Variants in MACROD2 observed in about 807,000 individuals in gnomAD.
MACROD2 encodes the protein mono-ADP ribosylhydrolase 2.
In MACROD2, 36 loss-of-function variants were observed where a neutral mutation model predicts 70.4. The observed-to-expected ratio is 0.51, with a 90% CI of 0.39 to 0.68. The LOEUF (loss-of-function observed/expected upper bound fraction) is 0.68, where lower values mean the gene tolerates loss of function less well. Ranked by LOEUF, MACROD2 falls within the 30% of genes least tolerant of loss-of-function variation. The probability of loss-of-function intolerance (pLI) is 0.00; values close to 1 mark genes in which losing one functional copy is unlikely to be tolerated. For missense variants in MACROD2, 496 were observed against 538.4 expected (o/e 0.92, Z 0.78); for synonymous variants, 172 against 178.8 (o/e 0.96, Z 0.30).
In MACROD2 at chr20:15,295,593, C is replaced by T. The variant is rs903261058; in HGVS notation, c.540+65532C>T. Among the ~76,000 whole-genome samples the T allele has an allele frequency of 7.1e-3, 366 of 51,282 alleles. 3 individuals carry two copies. The highest frequency in any genetic ancestry group is 9.2e-3 in the Non-Finnish European group (246 of 26,766). 33.6% of individuals were successfully genotyped at this position (51,282 alleles called of 152,430 possible). A position where few individuals can be genotyped will look rare whatever the true frequency, so the allele number is the denominator to read the frequency against. On this transcript the variant is annotated intron_variant, in intron 6 of 17. Coordinates refer to ENST00000684519, the MANE Select transcript of MACROD2 (RefSeq NM_001351661.2). Reference sequence around the variant, plus strand: ...CTATGCAATACTTATCAATGTCTGTCATCACACACACACACACACACACAC... The same window carrying T: ...CTATGCAATACTTATCAATGTCTGTTATCACACACACACACACACACACAC...
At chr20:14,867,421 A>AT (rs931769708) in intron 5 of MACROD2, among the ~76,000 whole-genome samples, 2 of 151,864 alleles carry the variant, frequency 1.3e-5, no homozygotes, top group Non-Finnish European at 2.9e-5. Flanking sequence ...TTTCAGTTGA[A>AT]TTTTTTTTCT....
intron 3 of MACROD2, among the ~76,000 whole-genome samples, chr20:14,393,936 C>A (rs1443324519): frequency 5.9e-5 from 9 of 152,092 alleles, no homozygotes. Flanking sequence ...CATATGAGGA[C>A]ACAGAGAAAA....
intron 5 of MACROD2, among the ~76,000 whole-genome samples, chr20:14,753,894 G>A (rs535319819): frequency 2.1e-4 from 32 of 152,074 alleles, no homozygotes; most frequent in Non-Finnish European, 4.1e-4. Flanking sequence ...AAAACACCAT[G>A]TCCAAATTTT....
rs140343969 is a variant in MACROD2, at chr20:14,074,940, T to C, written c.164-10681T>C. 6.7e-3 allele frequency among the ~76,000 whole-genome samples: 1,021 copies of C among 152,326 alleles called. 14 individuals carry two copies. Among genetic ancestry groups the C allele is most frequent in the African/African-American group, 0.023 (954 of 41,580 alleles). ...ATCCTTCCTGGGAAGTGAATCATCCTTTTTCAGTGTATCCAAATTGTAGAT... is the reference window on the plus strand; with the variant it reads ...ATCCTTCCTGGGAAGTGAATCATCCCTTTTCAGTGTATCCAAATTGTAGAT... On this transcript the variant is annotated intron_variant, in intron 2 of 17. Coordinates refer to ENST00000684519, the MANE Select transcript of MACROD2 (RefSeq NM_001351661.2).
At chr20:14,081,300 T>C (rs911092291) in intron 2 of MACROD2, among the ~76,000 whole-genome samples, 1 of 152,204 alleles carries the variant, frequency 6.6e-6, no homozygotes, top group Non-Finnish European at 1.5e-5. Flanking sequence ...TGGCTATAAA[T>C]CCCTGCTTGT....
chr20:14,249,858 G>A (rs963579503), intron 3 of MACROD2, among the ~76,000 whole-genome samples: 1 of 152,030 alleles, frequency 6.6e-6, no homozygotes, highest in African/African-American at 2.4e-5. Context: ...TGATAATGGA[G>A]GAACTGAATA....
chr20:15,324,128 A>G (rs1473371605), intron 6 of MACROD2, among the ~76,000 whole-genome samples: 1 of 152,146 alleles, frequency 6.6e-6, no homozygotes, highest in Non-Finnish European at 1.5e-5. Context: ...CTAAAGTAAC[A>G]TCAAGCAATG....
chr20:15,430,095 A>G (rs1186326977), intron 6 of MACROD2, among the ~76,000 whole-genome samples: 1 of 151,828 alleles, frequency 6.6e-6, no homozygotes, highest in African/African-American at 2.4e-5. Context: ...TGCAAAACAC[A>G]TGATTTCATT....
chr20:15,740,067 C>T (rs2051081392), intron 8 of MACROD2, among the ~76,000 whole-genome samples: 1 of 152,212 alleles, frequency 6.6e-6, no homozygotes, highest in Non-Finnish European at 1.5e-5. Flanking sequence ...TGTAGATTGA[C>T]ATGGGAGCTC....
At chr20:14,547,639 T>A (rs1327609649) in intron 4 of MACROD2, 1 of 152,894 alleles carries the variant, frequency 6.5e-6, no homozygotes, top group Non-Finnish European at 1.5e-5. Context: ...ATTATCAGAC[T>A]GCACTGTAAT....
intron 4 of MACROD2, among the ~76,000 whole-genome samples, chr20:14,500,711 A>G (rs1322852639): frequency 6.6e-6 from 1 of 152,148 alleles, no homozygotes; most frequent in Non-Finnish European, 1.5e-5. Context: ...CTAAACTTCA[A>G]AGTTATTCAT....
intron 10 of MACROD2, among the ~76,000 whole-genome samples, chr20:15,919,214 T>G (rs904452866): frequency 6.6e-5 from 10 of 152,346 alleles, no homozygotes; most frequent in Middle Eastern, 6.8e-3. Context: ...GCTAGAATAC[T>G]CCTTAGTGAG....
intron 5 of MACROD2, among the ~76,000 whole-genome samples, chr20:15,048,325 CT>C (rs1396240985): frequency 1.3e-5 from 2 of 152,026 alleles, no homozygotes; most frequent in African/African-American, 4.8e-5. Context: ...TTTGAAGCCA[CT>C]GATATGTAAA....
chr20:14,455,834 A>G (rs2084295395), intron 3 of MACROD2, among the ~76,000 whole-genome samples: 1 of 151,784 alleles, frequency 6.6e-6, no homozygotes, highest in African/African-American at 2.4e-5. Flanking sequence ...CATGAATTCA[A>G]TCTTCTAGCT....
chr20:14,693,146 G>A (rs1025260230), intron 5 of MACROD2, among the ~76,000 whole-genome samples: 1 of 152,196 alleles, frequency 6.6e-6, no homozygotes, highest in Non-Finnish European at 1.5e-5. Context: ...AATTCCTGCT[G>A]TGAAATAAGT....
chr20:14,410,761 A>G (rs750896184), intron 3 of MACROD2, among the ~76,000 whole-genome samples: 3 of 152,176 alleles, frequency 2.0e-5, no homozygotes, highest in Non-Finnish European at 2.9e-5. Context: ...ACTGTTTAAT[A>G]ATAAACACTT....
intron 8 of MACROD2, among the ~76,000 whole-genome samples, chr20:15,558,546 G>A (rs998632289): frequency 1.7e-4 from 26 of 152,204 alleles, no homozygotes; most frequent in African/African-American, 6.0e-4. Context: ...CCACATCTTG[G>A]TGAAGGGGCT....
intron 10 of MACROD2, among the ~76,000 whole-genome samples, chr20:15,922,547 TG>T (rs1221553142): frequency 6.6e-6 from 1 of 152,136 alleles, no homozygotes; most frequent in Admixed American, 6.5e-5. Context: ...GCTATCACAG[TG>T]GGCAATACAG....
At chr20:14,977,478 C>CAG (rs1230784538) in intron 5 of MACROD2, among the ~76,000 whole-genome samples, 1 of 151,400 alleles carries the variant, frequency 6.6e-6, no homozygotes, top group Non-Finnish European at 1.5e-5. Context: ...CACACACACA[C>CAG]ACACACACAC....
Sources: gnomAD v4.1 joint callset for allele counts (sites outside exome capture counted in the v4.1 genomes callset) on GRCh38, gnomAD v4.1.1 for gene constraint, MANE v1.5 for transcripts, NCBI Gene and HGNC (gene_info 2026-07-23, HGNC 2026-07-21) for gene names.